ZC3H12B: variants seen among roughly 807,000 people sequenced by gnomAD.
ZC3H12B encodes zinc finger CCCH-type containing 12B, also known as probable ribonuclease ZC3H12B.
A neutral mutation model predicts 43.9 loss-of-function variants in ZC3H12B; 7 were observed. The ratio of observed to expected loss-of-function variants is 0.16; its 90% CI spans 0.09 to 0.30. The LOEUF (loss-of-function observed/expected upper bound fraction) is 0.30, where lower values mean the gene tolerates loss of function less well. ZC3H12B is among the 10% of genes least tolerant of loss of function. The probability of loss-of-function intolerance (pLI) is 1.00; values close to 1 mark genes in which losing one functional copy is unlikely to be tolerated. For synonymous variants in ZC3H12B, 222 were observed against 241.7 expected, an observed-to-expected ratio of 0.92 and a Z score of 0.76; for missense variants, 475 against 670.2, an observed-to-expected ratio of 0.71 and a Z score of 3.22.
intron 3 of ZC3H12B, among the ~76,000 whole-genome samples, chrX:65,441,826 AGACATT>A (rs2067305090): frequency 9.0e-6 from 1 of 110,898 alleles, no homozygotes; most frequent in Non-Finnish European, 1.9e-5. Flanking sequence ...GGCGGAGGAC[AGACATT>A]GTACAGGGGT....
At chrX:65,166,883 G>A in the ZC3H12B span, among the ~76,000 whole-genome samples, 1 of 109,818 alleles carries the variant, frequency 9.1e-6, no homozygotes, top group Admixed American at 9.6e-5. Context: ...ACTTTTTGAT[G>A]CAGTTATTTG....
chrX:65,424,712 T>G (rs747615358), intron 3 of ZC3H12B, among the ~76,000 whole-genome samples: 1 of 111,988 alleles, frequency 8.9e-6, no homozygotes, highest in African/African-American at 3.2e-5. Context: ...AGAACAATTT[T>G]TTGTATAGGG....
the ZC3H12B span, among the ~76,000 whole-genome samples, chrX:65,207,554 G>A: frequency 9.0e-6 from 1 of 110,622 alleles, no homozygotes; most frequent in African/African-American, 3.3e-5. Context: ...GGGGTGATGG[G>A]TGCACCAAAA....
intron 2 of ZC3H12B, among the ~76,000 whole-genome samples, chrX:65,373,813 C>G (rs2066281951): frequency 1.1e-5 from 1 of 89,540 alleles, no homozygotes; most frequent in South Asian, 5.4e-4. Flanking sequence ...ATGAGTGCAG[C>G]ACACCAACAA....
At chrX:65,262,870 C>A in the ZC3H12B span, among the ~76,000 whole-genome samples, 10 of 110,651 alleles carry the variant, frequency 9.0e-5, no homozygotes, top group East Asian at 1.7e-3. Flanking sequence ...TCCCTCTCCA[C>A]CCCCTCTTAC....
chrX:65,114,977 C>A, the ZC3H12B span, among the ~76,000 whole-genome samples: 20 of 39,471 alleles, frequency 5.1e-4, 1 homozygote, highest in East Asian at 8.2e-4. Flanking sequence ...GTATTTTTTA[C>A]GTTAAAAAGT....
At chrX:65,126,679 A>ATT in the ZC3H12B span, among the ~76,000 whole-genome samples, 776 of 93,479 alleles carry the variant, frequency 8.3e-3, 13 homozygotes, top group African/African-American at 0.029. Context: ...GTTTTGTTCA[A>ATT]TTTTTTTTTT....
chrX:65,181,918 T>G, the ZC3H12B span, among the ~76,000 whole-genome samples: 2 of 111,632 alleles, frequency 1.8e-5, no homozygotes, highest in East Asian at 5.7e-4. Context: ...ACCCAAAGGA[T>G]TATAAATCGT....
the ZC3H12B span, among the ~76,000 whole-genome samples, chrX:65,077,110 G>A: frequency 3.9e-4 from 44 of 111,505 alleles, no homozygotes; most frequent in African/African-American, 1.3e-3. Flanking sequence ...TGGGTCTTAG[G>A]TCTAATCACA....
chrX:65,302,350 C>A, the ZC3H12B span, among the ~76,000 whole-genome samples: 1 of 110,904 alleles, frequency 9.0e-6, no homozygotes, highest in African/African-American at 3.3e-5. Context: ...ATACAAAAGT[C>A]AATTGCTTTC....
chrX:65,343,604 A>G, the ZC3H12B span, among the ~76,000 whole-genome samples: 1 of 112,463 alleles, frequency 8.9e-6, no homozygotes, highest in African/African-American at 3.2e-5. Context: ...GATGCAGAAA[A>G]CGATTTTGAT....
rs972990618 is a variant in ZC3H12B, at chrX:65,417,782, A to G, written n.407+19078A>G. 4.4e-5 allele frequency among the ~76,000 whole-genome samples: 5 copies of G among 112,962 alleles called. No homozygotes were observed. In the East Asian group the frequency reaches 8.3e-4, roughly 19 times the overall value. The stretch of plus-strand genomic sequence containing the variant: ...TCTGAATGAGCATCCTGAGCATTTC[A>G]TTCTTTCAGGAGAGAATGGGACTCT... On this transcript the variant is annotated intron_variant and non_coding_transcript_variant, in intron 3 of 5. Transcript: ENST00000617377.
At chrX:65,412,983 T>C (rs1218815226) in intron 3 of ZC3H12B, among the ~76,000 whole-genome samples, 1 of 111,583 alleles carries the variant, frequency 9.0e-6, no homozygotes, top group Non-Finnish European at 1.9e-5. Flanking sequence ...TCGGTTTTTT[T>C]TCCTAGTGAG....
At chrX:65,180,818 C>T in the ZC3H12B span, among the ~76,000 whole-genome samples, 1 of 111,577 alleles carries the variant, frequency 9.0e-6, no homozygotes, top group African/African-American at 3.3e-5. Context: ...TGAAAATGGA[C>T]ATAGTAATCA....
the ZC3H12B span, among the ~76,000 whole-genome samples, chrX:65,251,685 T>C: frequency 8.9e-6 from 1 of 111,826 alleles, no homozygotes; most frequent in African/African-American, 3.3e-5. Flanking sequence ...CTAGGTATTT[T>C]ATTCCCTTTG....
intron 3 of ZC3H12B, among the ~76,000 whole-genome samples, chrX:65,421,852 G>A (rs1420511217): frequency 9.1e-6 from 1 of 110,190 alleles, no homozygotes; most frequent in Non-Finnish European, 1.9e-5. Flanking sequence ...GGAGGCTGAG[G>A]CAGGAGAATG....
chrX:65,089,083 C>G, the ZC3H12B span, among the ~76,000 whole-genome samples: 3 of 111,553 alleles, frequency 2.7e-5, no homozygotes, highest in African/African-American at 6.5e-5. Flanking sequence ...ATAGTTATTT[C>G]CCCCTAGAAA....
intron 3 of ZC3H12B, chrX:65,408,811 G>T: frequency 2.4e-6 from 1 of 419,121 alleles, no homozygotes; most frequent in Middle Eastern, 6.4e-4. Context: ...TGAAACACAG[G>T]TCACCCTGGA....
the ZC3H12B span, among the ~76,000 whole-genome samples, chrX:65,183,123 A>G: frequency 8.9e-6 from 1 of 112,149 alleles, no homozygotes; most frequent in South Asian, 3.7e-4. Context: ...ACATGCACAC[A>G]TATGTTCATC....
Sources: allele counts gnomAD v4.1 joint callset (sites outside exome capture counted in the v4.1 genomes callset), GRCh38; gene constraint gnomAD v4.1.1; transcripts MANE v1.5; gene names NCBI Gene and HGNC (gene_info 2026-07-23, HGNC 2026-07-21).